The following EIF4EBP1 variants were observed in gnomAD, a reference collection of about 807,000 sequenced individuals.
EIF4EBP1 encodes the protein eukaryotic translation initiation factor 4E-binding protein 1.
In EIF4EBP1, 5 loss-of-function variants were observed where a neutral mutation model predicts 9.2. The observed-to-expected ratio is 0.54, with a 90% CI of 0.28 to 1.14. The LOEUF (loss-of-function observed/expected upper bound fraction) is 1.14. Among genes scored for constraint, EIF4EBP1 ranks in the 50% most tolerant of loss-of-function variants. The probability of loss-of-function intolerance (pLI) is 0.09; values close to 1 mark genes in which losing one functional copy is unlikely to be tolerated. For missense variants in EIF4EBP1, 139 were observed against 169.6 expected, an observed-to-expected ratio of 0.82 and a Z score of 1.00; for synonymous variants, 62 against 67.0, an observed-to-expected ratio of 0.93 and a Z score of 0.36.
At chr8:38,033,634 AC>A (rs969097678) in intron 1 of EIF4EBP1, among the ~76,000 whole-genome samples, 1 of 147,950 alleles carries the variant, frequency 6.8e-6, no homozygotes, top group African/African-American at 2.5e-5. Flanking sequence ...TGGAGTAAGT[AC>A]CCCCCAGTCA....
chr8:38,054,311 C>T (rs1448213407), intron 1 of EIF4EBP1, among the ~76,000 whole-genome samples: 8 of 152,064 alleles, frequency 5.3e-5, no homozygotes, highest in Non-Finnish European at 8.8e-5. Context: ...ATTAGCCGGG[C>T]GTGATAGCAC....
At chr8:38,042,926 G>T (rs1305353618) in intron 1 of EIF4EBP1, among the ~76,000 whole-genome samples, 1 of 152,150 alleles carries the variant, frequency 6.6e-6, no homozygotes, top group Non-Finnish European at 1.5e-5. Flanking sequence ...TTACCCAGGC[G>T]TGGTGGCAGG....
At chr8:38,053,875 A>G (rs1393948108) in intron 1 of EIF4EBP1, among the ~76,000 whole-genome samples, 4 of 152,136 alleles carry the variant, frequency 2.6e-5, no homozygotes, top group African/African-American at 7.2e-5. Flanking sequence ...AGAAAGTAGA[A>G]CCCTGCTTGC....
chr8:38,031,480 A>T (rs547926625), intron 1 of EIF4EBP1, among the ~76,000 whole-genome samples: 1 of 152,276 alleles, frequency 6.6e-6, no homozygotes, highest in Admixed American at 6.5e-5. Flanking sequence ...CCGGAGCCCC[A>T]GCGCACAGAC....
chr8:38,046,708 C>T (rs991560805), intron 1 of EIF4EBP1, among the ~76,000 whole-genome samples: 1 of 152,146 alleles, frequency 6.6e-6, no homozygotes, highest in South Asian at 2.1e-4. Context: ...TCATTGTCGT[C>T]GCCAATCTGG....
chr8:38,058,541 C>T (rs1809627569), intron 2 of EIF4EBP1, among the ~76,000 whole-genome samples: 1 of 152,166 alleles, frequency 6.6e-6, no homozygotes, highest in Non-Finnish European at 1.5e-5. Flanking sequence ...CAAACCATAG[C>T]ATTCCAGCCC....
chr8:38,033,062 C>CTTTTTTTTTTTTTTTTT (rs765781155), intron 1 of EIF4EBP1, among the ~76,000 whole-genome samples: 9 of 125,450 alleles, frequency 7.2e-5, no homozygotes, highest in Non-Finnish European at 1.2e-4. Context: ...TTCTTTCTTT[C>CTTTTTTTTTTTTTTTTT]TTTTTTTTTT....
chr8:38,057,042 G>A (rs1016012127), intron 1 of EIF4EBP1, 39 bp from the exon 2 acceptor site: 8 of 1,590,910 alleles, frequency 5.0e-6, no homozygotes, highest in Non-Finnish European at 6.9e-6. Flanking sequence ...CAGGCAAGAG[G>A]CTGCAGATGG....
chr8:38,049,496 T>A (rs1244471974), intron 1 of EIF4EBP1, among the ~76,000 whole-genome samples: 1 of 151,414 alleles, frequency 6.6e-6, no homozygotes, highest in Non-Finnish European at 1.5e-5. Flanking sequence ...TTTTTTTTTT[T>A]CTTGAGACAG....
At chr8:38,049,538 G>A (rs1809491135) in intron 1 of EIF4EBP1, among the ~76,000 whole-genome samples, 1 of 149,594 alleles carries the variant, frequency 6.7e-6, no homozygotes, top group Admixed American at 6.7e-5. Context: ...CCGGAGTGCA[G>A]TAGCGTGATC....
At chr8:38,032,858 A>G (rs1406412574) in intron 1 of EIF4EBP1, among the ~76,000 whole-genome samples, 1 of 152,066 alleles carries the variant, frequency 6.6e-6, no homozygotes, top group Non-Finnish European at 1.5e-5. Context: ...TCCAAAGCCC[A>G]CCTCAGCCCA....
intron 1 of EIF4EBP1, among the ~76,000 whole-genome samples, chr8:38,056,055 GAT>G (rs1422106843): frequency 6.6e-6 from 1 of 151,902 alleles, no homozygotes; most frequent in African/African-American, 2.4e-5. Context: ...GTCTTTTTGA[GAT>G]AGGGTCTCAC....
chr8:38,047,034 C>T (rs1809456779), intron 1 of EIF4EBP1, among the ~76,000 whole-genome samples: 1 of 152,172 alleles, frequency 6.6e-6, no homozygotes, highest in African/African-American at 2.4e-5. Context: ...GCTCACCTCC[C>T]TCACCCCTCG....
At chr8:38,040,446 G>C (rs1425434675) in intron 1 of EIF4EBP1, among the ~76,000 whole-genome samples, 1 of 151,034 alleles carries the variant, frequency 6.6e-6, no homozygotes, top group Non-Finnish European at 1.5e-5. Flanking sequence ...GAAAATGGTT[G>C]TATCAGTTAG....
chr8:38,034,428 A>G (rs1288671523), intron 1 of EIF4EBP1, among the ~76,000 whole-genome samples: 4 of 152,136 alleles, frequency 2.6e-5, no homozygotes, highest in African/African-American at 9.7e-5. Context: ...TACTTAAGAT[A>G]ATTTAATTGC....
chr8:38,043,217 G>C (rs1285565687), intron 1 of EIF4EBP1, among the ~76,000 whole-genome samples: 2 of 152,094 alleles, frequency 1.3e-5, no homozygotes, highest in Non-Finnish European at 2.9e-5. Flanking sequence ...TGAATTTCAG[G>C]GACAGCTTCA....
At chr8:38,036,284 A>G (rs900719601) in intron 1 of EIF4EBP1, among the ~76,000 whole-genome samples, 1 of 151,972 alleles carries the variant, frequency 6.6e-6, no homozygotes, top group Non-Finnish European at 1.5e-5. Context: ...GAGGCTAAGC[A>G]GATCACCTGA....
chr8:38,033,497 T>A lies in EIF4EBP1; in HGVS notation c.145+2779T>A, dbSNP rs149072383. 8.0e-3 allele frequency among the ~76,000 whole-genome samples: 1,197 copies of A among 149,736 alleles called. 17 individuals are homozygous for A. The highest frequency in any genetic ancestry group is 0.028 in the African/African-American group (1,142 of 40,900). On this transcript the variant is annotated intron_variant, in intron 1 of 2. Coordinates refer to ENST00000338825, the MANE Select transcript of EIF4EBP1 (RefSeq NM_004095.4). ...GAGTCTAGCAAAAAAAAAAAAAAGA[T>A]GGCTCCATCCAGGTAAACTTTGATC...
At chr8:38,056,485 C>T (rs949570389) in intron 1 of EIF4EBP1, among the ~76,000 whole-genome samples, 1 of 152,084 alleles carries the variant, frequency 6.6e-6, no homozygotes. Context: ...GGTGAGTGAG[C>T]TGAGGGGCTA....
Sources: gnomAD v4.1 joint callset for allele counts (sites outside exome capture counted in the v4.1 genomes callset) on GRCh38, gnomAD v4.1.1 for gene constraint, MANE v1.5 for transcripts, NCBI Gene and HGNC (gene_info 2026-07-23, HGNC 2026-07-21) for gene names.